The following IL1RAPL2 variants were observed in gnomAD, a reference collection of about 807,000 sequenced individuals.
IL1RAPL2 encodes the protein interleukin 1 receptor accessory protein like 2.
In IL1RAPL2, 3 loss-of-function variants were observed where a neutral mutation model predicts 44.1. The observed-to-expected ratio is 0.07, with a 90% CI of 0.03 to 0.18. IL1RAPL2 has a LOEUF of 0.18. Among genes scored for constraint, IL1RAPL2 ranks in the 10% least tolerant of loss-of-function variants. The pLI is 1.00. For missense variants in IL1RAPL2, 391 were observed against 496.4 expected, an observed-to-expected ratio of 0.79 and a Z score of 2.02; for synonymous variants, 181 against 178.8, an observed-to-expected ratio of 1.01 and a Z score of -0.10.
chrX:105,526,801 A>C lies in IL1RAPL2; in HGVS notation c.772+42414A>C, dbSNP rs139240761. 8.9e-3 allele frequency among the ~76,000 whole-genome samples: 997 copies of C among 111,889 alleles called. 16 individuals carry two copies. Among genetic ancestry groups the C allele is most frequent in the Middle Eastern group, 0.037 (8 of 217 alleles). On this transcript the variant is annotated intron_variant, in intron 6 of 10. Transcript: ENST00000372582. ...CTGTTGATTTAGTCATAAATGAAAA[A>C]TACACTAAGTTGTCTTTGTATTGTC...
intron 2 of IL1RAPL2, among the ~76,000 whole-genome samples, chrX:105,055,023 G>C (rs191163894): frequency 2.7e-5 from 3 of 112,398 alleles, no homozygotes; most frequent in East Asian, 5.5e-4. Context: ...ATAGTTCACT[G>C]GTGAAATCAT....
At chrX:104,777,583 T>TATC (rs1163483000) in intron 2 of IL1RAPL2, among the ~76,000 whole-genome samples, 1 of 100,994 alleles carries the variant, frequency 9.9e-6, no homozygotes. Context: ...TTATTATTAT[T>TATC]ATTATTATTT....
intron 2 of IL1RAPL2, among the ~76,000 whole-genome samples, chrX:104,894,249 A>G (rs1923564396): frequency 9.0e-6 from 1 of 111,127 alleles, no homozygotes. Context: ...GGTGAATCTG[A>G]CAATTTTGTG....
intron 2 of IL1RAPL2, among the ~76,000 whole-genome samples, chrX:105,037,842 G>A (rs773511589): frequency 9.0e-6 from 1 of 111,579 alleles, no homozygotes; most frequent in African/African-American, 3.3e-5. Flanking sequence ...AGAACTTCTC[G>A]AAAGAGTTTT....
At chrX:105,059,528 CT>C (rs775130033) in intron 2 of IL1RAPL2, among the ~76,000 whole-genome samples, 2 of 111,554 alleles carry the variant, frequency 1.8e-5, no homozygotes, top group African/African-American at 3.3e-5. Context: ...TCTTTTCTTT[CT>C]TTTTTTTCTT....
At chrX:105,100,462 G>T (rs2032658244) in intron 2 of IL1RAPL2, among the ~76,000 whole-genome samples, 1 of 111,759 alleles carries the variant, frequency 8.9e-6, no homozygotes, top group Admixed American at 9.5e-5. Flanking sequence ...TCAGTTTGGG[G>T]TCTAGAGTAT....
chrX:104,784,218 T>G, intron 2 of IL1RAPL2, among the ~76,000 whole-genome samples: 1 of 112,355 alleles, frequency 8.9e-6, no homozygotes, highest in Non-Finnish European at 1.9e-5. Context: ...GGAAGTGTTT[T>G]CAATTGTGCT....
chrX:104,633,260 T>C (rs1314416936), intron 1 of IL1RAPL2, among the ~76,000 whole-genome samples: 2 of 111,755 alleles, frequency 1.8e-5, no homozygotes, highest in Non-Finnish European at 3.8e-5. Flanking sequence ...TTATTGAGGA[T>C]TTTTGCATCG....
At chrX:104,968,539 G>A (rs1462997359) in intron 2 of IL1RAPL2, among the ~76,000 whole-genome samples, 1 of 111,293 alleles carries the variant, frequency 9.0e-6, no homozygotes, top group Admixed American at 9.6e-5. Flanking sequence ...GTCCTAATCA[G>A]TGCAGTAAGA....
At chrX:105,484,871 G>C (rs763780116) in intron 6 of IL1RAPL2, among the ~76,000 whole-genome samples, 16 of 111,557 alleles carry the variant, frequency 1.4e-4, no homozygotes, top group Admixed American at 6.7e-4. Flanking sequence ...GAATATTTAT[G>C]AATCATATGA....
At chrX:105,245,624 T>G (rs902301207) in intron 4 of IL1RAPL2, among the ~76,000 whole-genome samples, 5 of 112,696 alleles carry the variant, frequency 4.4e-5, no homozygotes, top group African/African-American at 1.6e-4. Flanking sequence ...GTTTTACAAA[T>G]GAGAGATAAG....
At chrX:104,785,181 A>C (rs1020862992) in intron 2 of IL1RAPL2, among the ~76,000 whole-genome samples, 1 of 107,328 alleles carries the variant, frequency 9.3e-6, no homozygotes, top group Non-Finnish European at 1.9e-5. Flanking sequence ...CTGGGTAATT[A>C]AAAAAAAAAT....
chrX:105,720,652 T>A (rs2038295400), intron 7 of IL1RAPL2, among the ~76,000 whole-genome samples: 1 of 111,402 alleles, frequency 9.0e-6, no homozygotes, highest in African/African-American at 3.3e-5. Flanking sequence ...TATGAAGAAA[T>A]CTGCTAGGAA....
chrX:105,708,398 C>A (rs2038182131), intron 6 of IL1RAPL2, among the ~76,000 whole-genome samples: 1 of 111,910 alleles, frequency 8.9e-6, no homozygotes, highest in Admixed American at 9.5e-5. Context: ...ATACCTGGAT[C>A]AATCTTCAGA....
intron 2 of IL1RAPL2, among the ~76,000 whole-genome samples, chrX:104,892,055 T>C (rs780129345): frequency 1.8e-5 from 2 of 112,008 alleles, no homozygotes; most frequent in African/African-American, 3.2e-5. Flanking sequence ...GAGATAATCA[T>C]GTGGTTTTCG....
rs993142878 is a variant in IL1RAPL2, at chrX:105,591,440, G to GT, written c.772+107059dup. On this transcript the variant is annotated intron_variant, in intron 6 of 10. Transcript: ENST00000372582. ...ATTAAGTTCAGGTCTCATTATGGTTGTTTTTTATCTTCTGCTAGCTGTGGG... is the reference window on the plus strand; with the variant it reads ...ATTAAGTTCAGGTCTCATTATGGTTGTTTTTTTATCTTCTGCTAGCTGTGGG... Among the ~76,000 whole-genome samples, 4 of 110,329 alleles carry GT rather than the reference G, an allele frequency of 3.6e-5. No homozygotes were observed. In the East Asian group the frequency reaches 1.1e-3, roughly 32 times the overall value.
intron 5 of IL1RAPL2, among the ~76,000 whole-genome samples, chrX:105,413,189 T>C (rs946718796): frequency 2.7e-5 from 3 of 112,161 alleles, no homozygotes; most frequent in African/African-American, 9.7e-5. Context: ...TAAAACATTG[T>C]GCTAATGTCG....
chrX:105,551,404 T>C (rs917051662), intron 6 of IL1RAPL2, among the ~76,000 whole-genome samples: 1 of 110,841 alleles, frequency 9.0e-6, no homozygotes, highest in Non-Finnish European at 1.9e-5. Flanking sequence ...CCTCAGATGT[T>C]CCATTCTTGA....
At chrX:105,665,753 T>TTTTTTTTTG (rs2037759802) in intron 6 of IL1RAPL2, among the ~76,000 whole-genome samples, 4 of 69,293 alleles carry the variant, frequency 5.8e-5, no homozygotes, top group Non-Finnish European at 8.3e-5. Context: ...TTTTTTTTTT[T>TTTTTTTTTG]TTGTTGTTGT....
Sources: allele counts gnomAD v4.1 joint callset (sites outside exome capture counted in the v4.1 genomes callset), GRCh38; gene constraint gnomAD v4.1.1; transcripts MANE v1.5; gene names NCBI Gene and HGNC (gene_info 2026-07-23, HGNC 2026-07-21).